DNAH11: variants seen among roughly 807,000 people sequenced by gnomAD.
The protein encoded by DNAH11 is axonemal beta dynein heavy chain 11.
Under a neutral mutation model 526.0 loss-of-function variants are expected in DNAH11, and 442 were observed. The observed-to-expected ratio is 0.84, with a 90% CI of 0.78 to 0.91. The LOEUF is 0.91. Among genes scored for constraint, DNAH11 ranks in the 40% least tolerant of loss-of-function variants. DNAH11 has a pLI of 0.00. For synonymous variants in DNAH11, 2,461 were observed against 1,935.9 expected (o/e 1.27, Z -7.12); for missense variants, 6,989 against 5,448.7 (o/e 1.28, Z -8.90).
At chr7:21,565,446 A>G (rs1236289307) in intron 6 of DNAH11, among the ~76,000 whole-genome samples, 2 of 152,214 alleles carry the variant, frequency 1.3e-5, no homozygotes, top group African/African-American at 4.8e-5. Flanking sequence ...AGACTTGAAA[A>G]ATGATGTTAT....
chr7:21,726,717 C>T (rs1287668451), intron 45 of DNAH11, among the ~76,000 whole-genome samples: 16 of 149,980 alleles, frequency 1.1e-4, no homozygotes, highest in South Asian at 8.6e-4. Context: ...AAAAATTAGC[C>T]GGGTGTGGTG....
rs1366397320 is a variant in DNAH11, at chr7:21,634,025, T to C, written c.4501-1846T>C. Among the ~76,000 whole-genome samples, 4 of 152,204 alleles carry C rather than the reference T, an allele frequency of 2.6e-5. No individual in the cohort carries two copies. The East Asian group carries it at 5.8e-4, about 22-fold the overall frequency. On this transcript the variant is annotated intron_variant, in intron 25 of 81. Transcript: ENST00000409508. ...TACATGGTCTTGAATTCTAAAATTA[T>C]AGTGTTAACATCTCTTCAGACATGA...
chr7:21,625,145 C>T (rs1289490835), intron 25 of DNAH11, among the ~76,000 whole-genome samples: 3 of 152,022 alleles, frequency 2.0e-5, no homozygotes, highest in South Asian at 4.2e-4. Context: ...CAGAATTCCA[C>T]CGTGAAGCCC....
chr7:21,669,275 G>A (rs989474040), intron 30 of DNAH11, among the ~76,000 whole-genome samples: 44 of 152,072 alleles, frequency 2.9e-4, no homozygotes, highest in African/African-American at 5.1e-4. Context: ...GGGCTCGAGC[G>A]ATTCTCCTGC....
chr7:21,880,927 G>C (rs757502728), intron 75 of DNAH11, 34 bp downstream of exon 75: 11 of 1,545,842 alleles, frequency 7.1e-6, no homozygotes, highest in African/African-American at 7.0e-5. Context: ...CTCTTCCAAG[G>C]AGTTTACAAA....
rs186098672 is a variant in DNAH11 at position 21,805,712 on chromosome 7, A to G, written c.10166-2171A>G. 2.2e-4 allele frequency among the ~76,000 whole-genome samples: 33 copies of G among 152,318 alleles called. No individual in the cohort carries two copies. In the East Asian group the frequency reaches 4.0e-3, roughly 19 times the overall value. ...CTACCATGTGTGTCTAACATATAGC[A>G]ATATTTCCAAAGACTTTACTTACTC... is the stretch of plus-strand genomic sequence containing the variant. On this transcript the variant is annotated intron_variant, in intron 62 of 81. Coordinates refer to ENST00000409508, the MANE Select transcript of DNAH11 (RefSeq NM_001277115.2).
intron 66 of DNAH11, among the ~76,000 whole-genome samples, chr7:21,847,291 T>C (rs1435104204): frequency 6.6e-6 from 1 of 152,250 alleles, no homozygotes; most frequent in Non-Finnish European, 1.5e-5. Flanking sequence ...CTTTAGGTTT[T>C]CTTCTCTACT....
rs568102194 is a variant in DNAH11, at chr7:21,711,264, T to C, written c.6835-448T>C. On this transcript the variant is annotated intron_variant, in intron 41 of 81. Transcript: ENST00000409508. Reference sequence around the variant, plus strand: ...GTAATCATCATTACTCCAGAGAAGATTTAGTAACCACCTTAAATTAACAGT... The same window carrying C: ...GTAATCATCATTACTCCAGAGAAGACTTAGTAACCACCTTAAATTAACAGT... Among the ~76,000 whole-genome samples the C allele has an allele frequency of 4.8e-4, 73 of 152,234 alleles. 1 individual carries two copies. The highest frequency in any genetic ancestry group is 1.8e-3 in the African/African-American group (73 of 41,540).
intron 42 of DNAH11, among the ~76,000 whole-genome samples, chr7:21,714,257 A>G (rs1784567120): frequency 6.6e-6 from 1 of 152,082 alleles, no homozygotes; most frequent in Admixed American, 6.6e-5. Flanking sequence ...TCACCATTAG[A>G]TTTTACTTTT....
At chr7:21,818,113 C>G in intron 64 of DNAH11, 104 bp from the exon 65 acceptor site, 1 of 1,142,278 alleles carries the variant, frequency 8.8e-7, no homozygotes, top group African/African-American at 1.6e-5. Flanking sequence ...CTAAGTTTGT[C>G]CCATTTAGAA....
At chr7:21,586,966 G>A (rs1046356020) in intron 9 of DNAH11, among the ~76,000 whole-genome samples, 2 of 152,190 alleles carry the variant, frequency 1.3e-5, no homozygotes, top group African/African-American at 4.8e-5. Context: ...TTACGAATTT[G>A]GGAAAATCAT....
chr7:21,699,996 G>A (rs567997881), intron 36 of DNAH11, among the ~76,000 whole-genome samples: 69 of 150,932 alleles, frequency 4.6e-4, no homozygotes, highest in African/African-American at 1.7e-3. Flanking sequence ...AGTTTTCAAG[G>A]AAGAAAGGAA....
intron 63 of DNAH11, among the ~76,000 whole-genome samples, chr7:21,810,976 G>C (rs1046999577): frequency 6.6e-6 from 1 of 152,216 alleles, no homozygotes; most frequent in Non-Finnish European, 1.5e-5. Flanking sequence ...ACACATGTTT[G>C]CTTGCCATTG....
At chr7:21,546,710 G>A (rs1193516372) in intron 2 of DNAH11, among the ~76,000 whole-genome samples, 6 of 152,040 alleles carry the variant, frequency 3.9e-5, no homozygotes, top group Non-Finnish European at 8.8e-5. Flanking sequence ...TATGTATCAC[G>A]TTGGCCCACA....
intron 17 of DNAH11, 38 bp from the exon 18 acceptor site, chr7:21,601,358 T>C (rs1439684542): frequency 2.6e-6 from 4 of 1,564,450 alleles, no homozygotes; most frequent in Non-Finnish European, 3.5e-6. Flanking sequence ...TTTAATAAAC[T>C]TAATTTGTGT....
intron 32 of DNAH11, among the ~76,000 whole-genome samples, chr7:21,684,869 A>AGAC (rs1242272750): frequency 6.6e-6 from 1 of 152,212 alleles, no homozygotes; most frequent in Non-Finnish European, 1.5e-5. Context: ...GTTTGATGGG[A>AGAC]GACAGCACAT....
intron 45 of DNAH11, among the ~76,000 whole-genome samples, chr7:21,731,582 C>T (rs1215532270): frequency 6.6e-6 from 1 of 152,140 alleles, no homozygotes; most frequent in Non-Finnish European, 1.5e-5. Flanking sequence ...CATAAATTTA[C>T]AAATAAAAGT....
intron 30 of DNAH11, among the ~76,000 whole-genome samples, chr7:21,662,882 C>T (rs771476992): frequency 3.9e-5 from 6 of 151,986 alleles, no homozygotes; most frequent in Admixed American, 6.6e-5. Flanking sequence ...TTGCTACCTG[C>T]GTTGAATTCG....
chr7:21,763,969 C>T (rs1274750065), intron 54 of DNAH11, among the ~76,000 whole-genome samples: 1 of 151,828 alleles, frequency 6.6e-6, no homozygotes, highest in African/African-American at 2.4e-5. Context: ...TCTGCTTATG[C>T]GCAGTATTGA....
Sources: allele counts gnomAD v4.1 joint callset (sites outside exome capture counted in the v4.1 genomes callset), GRCh38; gene constraint gnomAD v4.1.1; transcripts MANE v1.5; gene names NCBI Gene and HGNC (gene_info 2026-07-23, HGNC 2026-07-21).